ERBB4: variants seen among roughly 807,000 people sequenced by gnomAD.
The protein encoded by ERBB4 is receptor tyrosine-protein kinase erbB-4.
In ERBB4, 42 loss-of-function variants were observed where a neutral mutation model predicts 158.0. The observed-to-expected ratio is 0.27, with a 90% CI of 0.21 to 0.34. The LOEUF (loss-of-function observed/expected upper bound fraction) is 0.34, where lower values mean the gene tolerates loss of function less well. ERBB4 is among the 10% of genes least tolerant of loss of function. The probability of loss-of-function intolerance (pLI) is 1.00; values close to 1 mark genes in which losing one functional copy is unlikely to be tolerated. For synonymous variants in ERBB4, 583 were observed against 558.7 expected (o/e 1.04, Z -0.61); for missense variants, 1,333 against 1,624.1 (o/e 0.82, Z 3.08).
intron 7 of ERBB4, among the ~76,000 whole-genome samples, chr2:211,718,242 A>T (rs950223517): frequency 6.6e-6 from 1 of 152,136 alleles, no homozygotes; most frequent in East Asian, 1.9e-4. Flanking sequence ...CCCACATCTT[A>T]AAGAAGAAAA....
chr2:211,386,191 T>A (rs953129781), intron 27 of ERBB4, among the ~76,000 whole-genome samples: 3 of 152,172 alleles, frequency 2.0e-5, no homozygotes, highest in African/African-American at 7.2e-5. Context: ...GTTGCAAAAT[T>A]GAAGCATTAT....
intron 13 of ERBB4, among the ~76,000 whole-genome samples, chr2:211,677,120 G>C (rs1209751956): frequency 6.6e-6 from 1 of 152,212 alleles, no homozygotes; most frequent in Admixed American, 6.5e-5. Flanking sequence ...TTGCAAAGAA[G>C]AGACATGTCA....
intron 1 of ERBB4, among the ~76,000 whole-genome samples, chr2:212,341,348 C>A (rs1278541435): frequency 6.6e-6 from 1 of 151,824 alleles, no homozygotes; most frequent in Admixed American, 6.6e-5. Flanking sequence ...TTGAAAATAT[C>A]CAGAAATGTC....
intron 20 of ERBB4, among the ~76,000 whole-genome samples, chr2:211,498,981 G>A (rs934924032): frequency 5.9e-5 from 9 of 152,098 alleles, no homozygotes; most frequent in African/African-American, 1.9e-4. Flanking sequence ...GGGTTATAAT[G>A]AGGCTCCACG....
chr2:212,038,940 C>T (rs555614702), intron 2 of ERBB4, among the ~76,000 whole-genome samples: 17 of 152,168 alleles, frequency 1.1e-4, no homozygotes, highest in South Asian at 4.1e-4. Context: ...TTATTGTTAG[C>T]ATTTGTGATA....
intron 1 of ERBB4, among the ~76,000 whole-genome samples, chr2:212,404,645 G>A (rs561341005): frequency 1.3e-5 from 2 of 152,054 alleles, no homozygotes; most frequent in East Asian, 3.9e-4. Context: ...GTTGTAGGGG[G>A]ATTTTTTTAA....
intron 1 of ERBB4, among the ~76,000 whole-genome samples, chr2:212,338,188 T>C (rs1483661089): frequency 3.3e-5 from 5 of 152,148 alleles, no homozygotes; most frequent in Non-Finnish European, 5.9e-5. Flanking sequence ...GGCAGATCTC[T>C]AGCTGTCACT....
At position 212,235,991 on chromosome 2, in the gene ERBB4, T is replaced by C. The variant is rs542140998; in HGVS notation, c.83-111088A>G. Among the ~76,000 whole-genome samples, 6 of 152,346 alleles carry C rather than the reference T, an allele frequency of 3.9e-5. No individual in the cohort carries two copies. The South Asian group carries it at 1.0e-3, about 26-fold the overall frequency. On this transcript the variant is annotated intron_variant, in intron 1 of 27. Transcript: ENST00000342788. ...CTTGCCTGATTGCCCTAGCCAGAAC[T>C]TCCAGTACTATGTTGAATAGGAGTG... is the stretch of plus-strand genomic sequence containing the variant.
At chr2:212,060,519 A>G (rs1049608035) in intron 2 of ERBB4, among the ~76,000 whole-genome samples, 6 of 149,764 alleles carry the variant, frequency 4.0e-5, no homozygotes, top group African/African-American at 1.5e-4. Context: ...ACGTATGTTT[A>G]TTGCGGCACT....
In ERBB4 at chr2:211,412,491, TC is replaced by T. The variant is rs200466518; in HGVS notation, c.3135+7949del. Among the ~76,000 whole-genome samples the T allele has an allele frequency of 1.7e-3, 252 of 152,318 alleles. 7 individuals are homozygous for T. The East Asian group carries it at 0.048, about 29-fold the overall frequency. On this transcript the variant is annotated intron_variant, in intron 25 of 27. Coordinates refer to ENST00000342788, the MANE Select transcript of ERBB4 (RefSeq NM_005235.3). ...ACTGATTTAGCTTCCTTTGTCTTTT[TC>T]CTATAATTCCTGGCATGTCTCTCTC...
At chr2:211,510,644 T>C (rs954849539) in intron 20 of ERBB4, among the ~76,000 whole-genome samples, 1 of 152,116 alleles carries the variant, frequency 6.6e-6, no homozygotes, top group Non-Finnish European at 1.5e-5. Context: ...AATTAGAAAA[T>C]GTTTTCAATT....
intron 5 of ERBB4, among the ~76,000 whole-genome samples, chr2:211,742,109 G>A (rs2074820579): frequency 6.6e-6 from 1 of 152,236 alleles, no homozygotes; most frequent in African/African-American, 2.4e-5. Context: ...AATTAAAGAT[G>A]TTGGCGTGTA....
intron 18 of ERBB4, among the ~76,000 whole-genome samples, chr2:211,622,306 A>G (rs2069635733): frequency 6.6e-6 from 1 of 152,208 alleles, no homozygotes; most frequent in South Asian, 2.1e-4. Flanking sequence ...TTCTTTGAAC[A>G]TATACAAATC....
chr2:212,420,806 C>T (rs979318775), intron 1 of ERBB4, among the ~76,000 whole-genome samples: 1 of 152,112 alleles, frequency 6.6e-6, no homozygotes, highest in African/African-American at 2.4e-5. Flanking sequence ...GGCTGTCTTT[C>T]CAGACAAATG....
rs572571118 is a variant in ERBB4 at position 211,449,164 on chromosome 2, T to A, written c.2488-18064A>T. 2.0e-5 allele frequency among the ~76,000 whole-genome samples: 3 copies of A among 152,222 alleles called. No individual in the cohort carries two copies. In the East Asian group the frequency reaches 5.8e-4, roughly 29 times the overall value. On this transcript the variant is annotated intron_variant, in intron 20 of 27. Transcript: ENST00000342788. ...ATGTTTCTGAATTCCTATCAGAACCTTTTGGCTGAACTAGATAAAATTTAC... is the reference window on the plus strand; with the variant it reads ...ATGTTTCTGAATTCCTATCAGAACCATTTGGCTGAACTAGATAAAATTTAC...
intron 5 of ERBB4, among the ~76,000 whole-genome samples, chr2:211,728,372 AT>A (rs1199182935): frequency 1.3e-5 from 2 of 151,656 alleles, no homozygotes; most frequent in Non-Finnish European, 3.0e-5. Context: ...TACCCAAACA[AT>A]TTGTATCCTT....
chr2:211,544,529 A>C (rs188850183), intron 20 of ERBB4, among the ~76,000 whole-genome samples: 10 of 152,140 alleles, frequency 6.6e-5, no homozygotes, highest in African/African-American at 1.4e-4. Context: ...CCAGCTATGC[A>C]ACCTTGAACA....
In ERBB4 at chr2:212,342,606, A is replaced by G. The variant is rs146123605; in HGVS notation, c.82+195843T>C. Among the ~76,000 whole-genome samples the G allele has an allele frequency of 3.3e-5, 5 of 152,304 alleles. No homozygotes were observed. In the East Asian group the frequency reaches 9.7e-4, roughly 29 times the overall value. On this transcript the variant is annotated intron_variant, in intron 1 of 27. Coordinates refer to ENST00000342788, the MANE Select transcript of ERBB4 (RefSeq NM_005235.3). ...TGGAAGTGTGAATTTTTAGCCTCAC[A>G]TTCATGAAAACAAAGCCATATATCT...
At chr2:211,547,305 G>A (rs1201297636) in intron 20 of ERBB4, among the ~76,000 whole-genome samples, 2 of 152,046 alleles carry the variant, frequency 1.3e-5, no homozygotes, top group Non-Finnish European at 2.9e-5. Flanking sequence ...ATCAATTGTG[G>A]AAGTAAGTTA....
Sources: gnomAD v4.1 joint callset for allele counts (sites outside exome capture counted in the v4.1 genomes callset) on GRCh38, gnomAD v4.1.1 for gene constraint, MANE v1.5 for transcripts, NCBI Gene and HGNC (gene_info 2026-07-23, HGNC 2026-07-21) for gene names.